The following RASGRP3 variants were observed in gnomAD, a reference collection of about 807,000 sequenced individuals.
RASGRP3 encodes the protein RAS guanyl releasing protein 3, also known as ras guanyl-releasing protein 3.
In RASGRP3, 54 loss-of-function variants were observed where a neutral mutation model predicts 82.7. The ratio of observed to expected loss-of-function variants is 0.65; its 90% CI spans 0.52 to 0.82. The LOEUF (loss-of-function observed/expected upper bound fraction) is 0.82, where lower values mean the gene tolerates loss of function less well. Among genes scored for constraint, RASGRP3 ranks in the 40% least tolerant of loss-of-function variants. RASGRP3 has a pLI of 0.00. For missense variants in RASGRP3, 861 were observed against 828.9 expected (o/e 1.04, Z -0.48); for synonymous variants, 309 against 300.5 (o/e 1.03, Z -0.29).
intron 1 of RASGRP3, among the ~76,000 whole-genome samples, chr2:33,483,098 A>G (rs2150942577): frequency 6.6e-6 from 1 of 152,290 alleles, no homozygotes. Context: ...TATGGTCTAT[A>G]GAATGTAGGG....
chr2:33,508,250 T>A (rs1432725335), intron 1 of RASGRP3, among the ~76,000 whole-genome samples: 4 of 152,176 alleles, frequency 2.6e-5, no homozygotes. Flanking sequence ...TTGTTTTAAA[T>A]GATTTCCCTT....
At chr2:33,460,013 C>G (rs879749289) in intron 2 of RASGRP3, among the ~76,000 whole-genome samples, 4 of 152,202 alleles carry the variant, frequency 2.6e-5, no homozygotes, top group Admixed American at 2.6e-4. Context: ...AAATGAATAA[C>G]TTTGCAATCC....
At chr2:33,449,828 T>C (rs1037539420) in intron 2 of RASGRP3, among the ~76,000 whole-genome samples, 1 of 152,230 alleles carries the variant, frequency 6.6e-6, no homozygotes, top group Non-Finnish European at 1.5e-5. Flanking sequence ...TGCAAACTTT[T>C]GTATATTTGA....
At chr2:33,500,627 A>G (rs1299469335) in intron 1 of RASGRP3, among the ~76,000 whole-genome samples, 1 of 152,104 alleles carries the variant, frequency 6.6e-6, no homozygotes, top group Non-Finnish European at 1.5e-5. Context: ...AATATGGGAG[A>G]TATAGCAGGT....
At chr2:33,559,965 G>A (rs1676464621) in intron 17 of RASGRP3, among the ~76,000 whole-genome samples, 1 of 152,172 alleles carries the variant, frequency 6.6e-6, no homozygotes, top group Non-Finnish European at 1.5e-5. Context: ...TGCATAAGGA[G>A]GCCACCCATT....
At position 33,461,114 on chromosome 2, in the gene RASGRP3, C is replaced by T. The variant is rs180762929; in HGVS notation, c.-261+13171C>T. On this transcript the variant is annotated intron_variant, in intron 2 of 18. Coordinates refer to the RASGRP3 transcript ENST00000402538. ...TCTGTATTAAGGAATCAACACCCAT[C>T]CCTCACTTCCAATCCCTTGCCTCTC... Among the ~76,000 whole-genome samples the T allele has an allele frequency of 6.6e-5, 10 of 152,316 alleles. 2 individuals are homozygous for T. Among genetic ancestry groups the T allele is most frequent in the Middle Eastern group, 3.4e-3 (1 of 294 alleles).
chr2:33,529,277 A>T (rs555237104), intron 10 of RASGRP3, among the ~76,000 whole-genome samples: 1 of 151,634 alleles, frequency 6.6e-6, no homozygotes, highest in East Asian at 1.9e-4. Flanking sequence ...GGCAGATCAC[A>T]AGGTCAGGAG....
intron 1 of RASGRP3, among the ~76,000 whole-genome samples, chr2:33,441,746 C>A (rs1179202914): frequency 1.3e-5 from 2 of 152,156 alleles, no homozygotes; most frequent in Admixed American, 6.5e-5. Flanking sequence ...TTTCCTAGAT[C>A]TTTGATTCTA....
At chr2:33,458,580 A>G (rs979748850) in intron 2 of RASGRP3, among the ~76,000 whole-genome samples, 1 of 152,228 alleles carries the variant, frequency 6.6e-6, no homozygotes, top group Non-Finnish European at 1.5e-5. Flanking sequence ...ATAGCTGTAG[A>G]CACTGGGTGC....
chr2:33,543,992 G>A (rs1674507644), intron 13 of RASGRP3, among the ~76,000 whole-genome samples: 1 of 152,124 alleles, frequency 6.6e-6, no homozygotes, highest in Non-Finnish European at 1.5e-5. Context: ...AGTGCACCTG[G>A]AAGCAATCTT....
intron 2 of RASGRP3, among the ~76,000 whole-genome samples, chr2:33,457,700 A>T (rs1353501769): frequency 6.6e-6 from 1 of 152,034 alleles, no homozygotes; most frequent in African/African-American, 2.4e-5. Flanking sequence ...ACAAATGAGG[A>T]ATTTTATTCT....
intron 4 of RASGRP3, among the ~76,000 whole-genome samples, chr2:33,519,346 G>A (rs1235175032): frequency 3.3e-5 from 5 of 152,182 alleles, no homozygotes; most frequent in Non-Finnish European, 4.4e-5. Flanking sequence ...GCCAGGCGCG[G>A]TGGCTCACAC....
rs112299036 is a variant in RASGRP3, at chr2:33,483,582, G to A, written c.-261+6875G>A. 9.4e-3 allele frequency among the ~76,000 whole-genome samples: 1,289 copies of A among 136,914 alleles called. 20 individuals carry two copies. Among genetic ancestry groups the A allele is most frequent in the African/African-American group, 0.032 (1,136 of 35,446 alleles). 89.8% of individuals were successfully genotyped at this position (136,914 alleles called of 152,430 possible). A position where few individuals can be genotyped will look rare whatever the true frequency, so the allele number is the denominator to read the frequency against. Reference sequence around the variant, plus strand: ...TAGCTCACTGCCACCTCCATCTCCCGGGTTCAAGTGATTCTCCTGCCTCAG... The same window carrying A: ...TAGCTCACTGCCACCTCCATCTCCCAGGTTCAAGTGATTCTCCTGCCTCAG... On this transcript the variant is annotated intron_variant, in intron 1 of 17. Coordinates refer to ENST00000403687, the MANE Select transcript of RASGRP3 (RefSeq NM_001139488.2).
chr2:33,491,612 T>TG (rs1457109728), intron 1 of RASGRP3, among the ~76,000 whole-genome samples: 1 of 152,226 alleles, frequency 6.6e-6, no homozygotes, highest in Non-Finnish European at 1.5e-5. Context: ...GCATGTATTA[T>TG]CAGTTTCCTT....
At chr2:33,537,062 C>G (rs1325128876) in intron 11 of RASGRP3, among the ~76,000 whole-genome samples, 1 of 151,938 alleles carries the variant, frequency 6.6e-6, no homozygotes, top group African/African-American at 2.4e-5. Flanking sequence ...GTCACATGGA[C>G]TTGAAGGATG....
intron 1 of RASGRP3, among the ~76,000 whole-genome samples, chr2:33,483,679 G>A (rs1668129207): frequency 6.6e-6 from 1 of 151,908 alleles, no homozygotes; most frequent in Non-Finnish European, 1.5e-5. Context: ...AGGAGAGACG[G>A]GGTTTTGCCA....
rs17013097 is a variant in RASGRP3 at position 33,478,472 on chromosome 2, C to T, written c.-261+1765C>T. On this transcript the variant is annotated intron_variant, in intron 1 of 17. Coordinates refer to ENST00000403687, the MANE Select transcript of RASGRP3 (RefSeq NM_001139488.2). ...CAGGTTGATAGTGGAAGAGAACCCT[C>T]TGGTGAAATTGTGTCTCCGGAATCA... 0.011 allele frequency among the ~76,000 whole-genome samples: 1,641 copies of T among 152,148 alleles called. 78 individuals are homozygous for T. In the East Asian group the frequency reaches 0.16, roughly 15 times the overall value.
intron 2 of RASGRP3, among the ~76,000 whole-genome samples, chr2:33,470,530 C>A (rs1489420709): frequency 6.6e-6 from 1 of 151,978 alleles, no homozygotes; most frequent in African/African-American, 2.4e-5. Context: ...CAGGCGCCCG[C>A]CACCATGCCC....
intron 1 of RASGRP3, among the ~76,000 whole-genome samples, chr2:33,440,009 T>C (rs1213493299): frequency 6.6e-6 from 1 of 151,778 alleles, no homozygotes; most frequent in Non-Finnish European, 1.5e-5. Flanking sequence ...GGTATGGTTA[T>C]AGGAGGAGAG....
Sources: allele counts gnomAD v4.1 joint callset (sites outside exome capture counted in the v4.1 genomes callset), GRCh38; gene constraint gnomAD v4.1.1; transcripts MANE v1.5; gene names NCBI Gene and HGNC (gene_info 2026-07-23, HGNC 2026-07-21).